The following KLF15 variants were observed in gnomAD, a reference collection of about 807,000 sequenced individuals.
KLF15 encodes Krueppel-like factor 15.
KLF15 carries 4 observed loss-of-function variants against 24.6 expected under a neutral mutation model. The ratio of observed to expected loss-of-function variants is 0.16; its 90% CI spans 0.08 to 0.37. The LOEUF (loss-of-function observed/expected upper bound fraction) is 0.37. Among genes scored for constraint, KLF15 ranks in the 10% least tolerant of loss-of-function variants. The pLI, the probability that KLF15 is intolerant of heterozygous loss-of-function variation, is 1.00. For synonymous variants in KLF15, 246 were observed against 236.3 expected, an observed-to-expected ratio of 1.04 and a Z score of -0.37; for missense variants, 496 against 560.6, an observed-to-expected ratio of 0.88 and a Z score of 1.16.
chr3:126,319,645 G>T, the KLF15 span, among the ~76,000 whole-genome samples: 1 of 152,166 alleles, frequency 6.6e-6, no homozygotes, highest in African/African-American at 2.4e-5. Flanking sequence ...TGCATTTTAA[G>T]AGTTGTTTTG....
intron 2 of KLF15, among the ~76,000 whole-genome samples, chr3:126,351,575 G>A (rs932457313): frequency 6.6e-6 from 1 of 152,152 alleles, no homozygotes; most frequent in Non-Finnish European, 1.5e-5. Context: ...AGACTGGATG[G>A]GGAGACCCAG....
the KLF15 span, among the ~76,000 whole-genome samples, chr3:126,310,465 T>C: frequency 6.6e-5 from 10 of 152,264 alleles, no homozygotes; most frequent in African/African-American, 2.4e-4. Flanking sequence ...AAAGAGCCCC[T>C]ACTAAGTTCA....
the KLF15 span, among the ~76,000 whole-genome samples, chr3:126,316,354 G>A: frequency 4.1e-5 from 6 of 146,010 alleles, no homozygotes; most frequent in African/African-American, 1.5e-4. Context: ...GGAAGGGAGT[G>A]CACAGGCCGG....
chr3:126,322,510 G>A, the KLF15 span, among the ~76,000 whole-genome samples: 1 of 152,074 alleles, frequency 6.6e-6, no homozygotes, highest in South Asian at 2.1e-4. Context: ...TGATTACGCT[G>A]GATCCACCAG....
At chr3:126,299,044 G>T in the KLF15 span, among the ~76,000 whole-genome samples, 2 of 152,118 alleles carry the variant, frequency 1.3e-5, no homozygotes, top group Non-Finnish European at 1.5e-5. Context: ...TAAATCTGTA[G>T]ATTGCTTTTG....
chr3:126,339,913 T>C (rs1308998642), downstream of KLF15, among the ~76,000 whole-genome samples: 3 of 152,170 alleles, frequency 2.0e-5, no homozygotes, highest in African/African-American at 7.2e-5. Flanking sequence ...GCATCTTGGC[T>C]CCTACGTAGG....
chr3:126,336,107 G>A, the KLF15 span, among the ~76,000 whole-genome samples: 7 of 85,014 alleles, frequency 8.2e-5, no homozygotes, highest in Admixed American at 1.3e-4. Flanking sequence ...AAAAGAGCCC[G>A]CATCGCCAAG....
downstream of KLF15, among the ~76,000 whole-genome samples, chr3:126,338,207 G>C (rs1576578299): frequency 1.3e-5 from 2 of 152,306 alleles, no homozygotes; most frequent in Non-Finnish European, 1.5e-5. Flanking sequence ...AGGACAGGGA[G>C]GGGCTTTGCC....
At chr3:126,312,625 A>T in the KLF15 span, among the ~76,000 whole-genome samples, 1 of 152,210 alleles carries the variant, frequency 6.6e-6, no homozygotes, top group Non-Finnish European at 1.5e-5. Flanking sequence ...CTCCTGCTTC[A>T]TCCATGCAGG....
downstream of KLF15, among the ~76,000 whole-genome samples, chr3:126,338,523 C>G (rs1020190704): frequency 6.6e-6 from 1 of 152,196 alleles, no homozygotes; most frequent in Non-Finnish European, 1.5e-5. Flanking sequence ...AATGCAAAGA[C>G]TTCTGTGGGA....
At chr3:126,303,202 A>G in the KLF15 span, among the ~76,000 whole-genome samples, 8 of 152,040 alleles carry the variant, frequency 5.3e-5, no homozygotes, top group Non-Finnish European at 4.4e-5. Flanking sequence ...ATAATAAGAA[A>G]GAAGTATTAA....
At chr3:126,351,816 C>A in intron 2 of KLF15, 25 bp downstream of exon 2, 1 of 1,600,642 alleles carries the variant, frequency 6.2e-7, no homozygotes, top group Non-Finnish European at 8.5e-7. Context: ...GCTCACTGCC[C>A]AGGCCTGTCA....
the KLF15 span, among the ~76,000 whole-genome samples, chr3:126,324,974 C>T: frequency 4.0e-5 from 4 of 100,414 alleles, no homozygotes; most frequent in Admixed American, 3.5e-4. Context: ...CCGACCCCAC[C>T]ATAGTCCCCA....
the KLF15 span, among the ~76,000 whole-genome samples, chr3:126,306,038 C>A: frequency 6.6e-6 from 1 of 152,170 alleles, no homozygotes; most frequent in African/African-American, 2.4e-5. Flanking sequence ...GAGGCTAACC[C>A]CTGAGGCAGA....
chr3:126,292,833 C>G, the KLF15 span, among the ~76,000 whole-genome samples: 1 of 151,550 alleles, frequency 6.6e-6, no homozygotes, highest in Non-Finnish European at 1.5e-5. Context: ...GGAGGCTGGA[C>G]CCAGGTAAGA....
rs1201239121 is a variant in KLF15 at position 126,352,370 on chromosome 3, C to A, written c.553G>T (p.Gly185Trp). ...AGPHKSHLHP[G>W]SSGRERCSPP... ...GAACAGCGCTCTCTCCCGCTGGACC[C>A]AGGATGGAGGTGGCTCTTGTGTGGC... Residue 185 changes from glycine to tryptophan, a missense_variant, in exon 2 of 3, where the codon GGG becomes TGG. Gly to Trp is a radical substitution (Grantham distance 184). Transcript: ENST00000296233. The A allele has an allele frequency of 6.2e-7, 1 of 1,609,932 alleles. No individual in the cohort carries two copies. The highest frequency in any genetic ancestry group is 1.7e-5 in the Admixed American group (1 of 59,520).
chr3:126,300,861 C>T, the KLF15 span, among the ~76,000 whole-genome samples: 1 of 152,216 alleles, frequency 6.6e-6, no homozygotes, highest in African/African-American at 2.4e-5. Context: ...AGGAACCATC[C>T]TCCATCCTTA....
chr3:126,312,808 C>T, the KLF15 span, among the ~76,000 whole-genome samples: 1 of 152,026 alleles, frequency 6.6e-6, no homozygotes, highest in African/African-American at 2.4e-5. Flanking sequence ...TGGCGGGTTC[C>T]CTTTAAGGCC....
At chr3:126,307,305 C>T in the KLF15 span, among the ~76,000 whole-genome samples, 1 of 152,194 alleles carries the variant, frequency 6.6e-6, no homozygotes, top group Non-Finnish European at 1.5e-5. Flanking sequence ...CCCTGCCCAG[C>T]CTCCAGCATG....
Sources: allele counts gnomAD v4.1 joint callset (sites outside exome capture counted in the v4.1 genomes callset), GRCh38; gene constraint gnomAD v4.1.1; transcripts MANE v1.5; gene names NCBI Gene and HGNC (gene_info 2026-07-23, HGNC 2026-07-21).